The following GTSE1 variants were observed in gnomAD, a reference collection of about 807,000 sequenced individuals.
GTSE1 encodes G2 and S phase-expressed protein 1.
GTSE1 carries 52 observed loss-of-function variants against 60.5 expected under a neutral mutation model. That is an observed-to-expected ratio of 0.86 (90% CI 0.69 to 1.08). The LOEUF is 1.08. Ranked by LOEUF, GTSE1 falls within the 50% of genes least tolerant of loss-of-function variation. The pLI is 0.00. For synonymous variants in GTSE1, 368 were observed against 386.5 expected (o/e 0.95, Z 0.56); for missense variants, 937 against 961.8 (o/e 0.97, Z 0.34).
chr22:46,325,130 G>C (rs528247244), intron 8 of GTSE1, among the ~76,000 whole-genome samples: 1 of 152,172 alleles, frequency 6.6e-6, no homozygotes, highest in South Asian at 2.1e-4. Context: ...CCTGTTTCCC[G>C]ATTCACAGCT....
Position 46,297,480 on chromosome 22 carries a change from G to A in GTSE1, c.79+1G>A. 6.2e-7 allele frequency: 1 copy of A among 1,600,762 alleles called. No individual in the cohort carries two copies. On this transcript the variant is annotated splice_donor_variant, in intron 2 of 11. Coordinates refer to ENST00000454366, the MANE Select transcript of GTSE1 (RefSeq NM_016426.7). LOFTEE classifies it high-confidence loss of function. This position sits in a 1 kb window ranked among gnomAD's most constrained non-coding sequence, Gnocchi z 4.9. ...AACATGGATGACCCTAAGAAGGAAG[G>A]CAAGTCCTTGCTGCTGCGGCGCTGT...
intron 4 of GTSE1, among the ~76,000 whole-genome samples, chr22:46,311,828 T>A (rs985351274): frequency 2.0e-5 from 3 of 152,256 alleles, no homozygotes; most frequent in Non-Finnish European, 2.9e-5. Context: ...ACCAGCTTTC[T>A]CATTATCATT....
chr22:46,296,899 C>CG lies in GTSE1; in HGVS notation c.-52dup, dbSNP rs2077659310. On this transcript the variant is annotated 5_prime_UTR_variant, in exon 1 of 12. Transcript: ENST00000454366. ...CCCGGCGCCGCGTTTAAATCCGTGCCGGAGGCGCGTCCTGCATCGTCTGCC... is the reference window on the plus strand; with the variant it reads ...CCCGGCGCCGCGTTTAAATCCGTGCCGGGAGGCGCGTCCTGCATCGTCTGCC... The CG allele has an allele frequency of 6.4e-6, 1 of 156,448 alleles. No individual in the cohort carries two copies. Among genetic ancestry groups the CG allele is most frequent in the Non-Finnish European group, 1.4e-5 (1 of 70,614 alleles). The allele number at this position is 156,448 out of a possible 1,614,324, so 9.7% of individuals were successfully genotyped here.
At position 46,328,843 on chromosome 22, in the gene GTSE1, T is replaced by C; in HGVS notation, c.1880T>C (p.Val627Ala). 6.2e-7 allele frequency: 1 copy of C among 1,613,996 alleles called. No homozygotes were observed. The highest frequency in any genetic ancestry group is 8.5e-7 in the Non-Finnish European group (1 of 1,180,016). Residue 627 changes from valine to alanine, a missense_variant, in exon 10 of 12, where the codon GTA (valine) becomes GCA (alanine). By Grantham distance (64) the Val-to-Ala change is moderately conservative. Transcript: ENST00000454366. ...STFSKSTATE[V>A]AREEAKPGGD... ...TTCTCCAAAAGTACTGCCACAGAAG[T>C]AGCTCGGGAGGAAGCCAAGCCGGGT... is the stretch of plus-strand genomic sequence containing the variant.
At position 46,318,625 on chromosome 22, in the gene GTSE1, C is replaced by A. The variant is rs76958217; in HGVS notation, c.1432+2213C>A. ...GGTGACACGGGACTGAGATCTGAAC[C>A]AGGAGACTGAGGCAGCCGGTAGGAA... is the stretch of plus-strand genomic sequence containing the variant. On this transcript the variant is annotated intron_variant, in intron 7 of 11. Coordinates refer to ENST00000454366, the MANE Select transcript of GTSE1 (RefSeq NM_016426.7). The surrounding 1 kb of genome is among the most constrained non-coding windows in gnomAD (Gnocchi z 4.8). Among the ~76,000 whole-genome samples the A allele has an allele frequency of 0.023, 3,504 of 152,098 alleles. 139 individuals carry two copies. Among genetic ancestry groups the A allele is most frequent in the African/African-American group, 0.078 (3,240 of 41,452 alleles).
At position 46,308,184 on chromosome 22, in the gene GTSE1, C is replaced by G. The variant is rs149744214; in HGVS notation, c.114C>G (p.Phe38Leu). ...TTTTGGCCGATGAAAAATTTGACTT[C>G]GATCTTTCATTGTCTTCTTCGAGGT... ...ILLLADEKFD[F>L]DLSLSSSSAN... The change falls in exon 3 of 12, where the codon TTC becomes TTG. Residue 38 changes from phenylalanine to leucine, a missense_variant. By Grantham distance (22) the Phe-to-Leu change is conservative. Coordinates refer to ENST00000454366, the MANE Select transcript of GTSE1 (RefSeq NM_016426.7). The G allele has an allele frequency of 6.2e-7, 1 of 1,613,168 alleles. No homozygotes were observed. The highest frequency in any genetic ancestry group is 1.3e-5 in the African/African-American group (1 of 74,910).
At chr22:46,322,387 A>G (rs2077818465) in intron 7 of GTSE1, among the ~76,000 whole-genome samples, 1 of 152,188 alleles carries the variant, frequency 6.6e-6, no homozygotes, top group Non-Finnish European at 1.5e-5. Flanking sequence ...TCTGAGGGAC[A>G]GCCTCTTTTC....
intron 2 of GTSE1, among the ~76,000 whole-genome samples, chr22:46,307,666 C>T (rs1322009092): frequency 6.6e-6 from 1 of 152,112 alleles, no homozygotes; most frequent in African/African-American, 2.4e-5. Flanking sequence ...CCATGCCTAG[C>T]CAATTTTTGT....
chr22:46,297,413 G>T lies in GTSE1; in HGVS notation c.13G>T (p.Gly5Cys), dbSNP rs1569033592. 6.2e-7 allele frequency: 1 copy of T among 1,613,384 alleles called. No homozygotes were observed. Among genetic ancestry groups the T allele is most frequent in the Admixed American group, 1.7e-5 (1 of 60,006 alleles). Residue 5 changes from glycine (G) to cysteine (C), a missense_variant, in exon 2 of 12, where the codon GGC becomes TGC. Coordinates refer to ENST00000454366, the MANE Select transcript of GTSE1 (RefSeq NM_016426.7). The surrounding 1 kb of genome is among the most constrained non-coding windows in gnomAD (Gnocchi z 4.9). ...GACAGCTCTCTCCATGGAAGGAGGCGGCGGCCGCGATGAGCCTTCAGCCTG... is the reference window on the plus strand; with the variant it reads ...GACAGCTCTCTCCATGGAAGGAGGCTGCGGCCGCGATGAGCCTTCAGCCTG... The part of the protein sequence containing the change: MEGG[G>C]GRDEPSACRA...
rs771931325 is a variant in GTSE1, at chr22:46,329,349, T to G, written c.1927-9T>G. 1.3e-5 allele frequency: 21 copies of G among 1,609,662 alleles called. No homozygotes were observed. The East Asian group carries it at 3.1e-4, about 24-fold the overall frequency. ...TGGACTCTGCTCTTAACCTTGGTTT[T>G]GTACCCAGGCTCTTCTTGTAGATAT... On this transcript the variant is annotated splice_polypyrimidine_tract_variant and intron_variant, in intron 10 of 11. Coordinates refer to ENST00000454366, the MANE Select transcript of GTSE1 (RefSeq NM_016426.7). The surrounding 1 kb of genome is among the most constrained non-coding windows in gnomAD (Gnocchi z 6.4).
In GTSE1 at chr22:46,319,063, C is replaced by G. The variant is rs975140544; in HGVS notation, c.1432+2651C>G. 2.0e-5 allele frequency among the ~76,000 whole-genome samples: 3 copies of G among 152,182 alleles called. No homozygotes were observed. The East Asian group carries it at 5.8e-4, about 29-fold the overall frequency. ...ATGCTAGGACACGTTGTCTTTATTC[C>G]GCACACAGCTGAAATTTCTTACTGA... On this transcript the variant is annotated intron_variant, in intron 7 of 11. Transcript: ENST00000454366. The surrounding 1 kb of genome is among the most constrained non-coding windows in gnomAD (Gnocchi z 5.0).
Position 46,318,303 on chromosome 22 carries a change from C to G in GTSE1, c.1432+1891C>G, listed in dbSNP as rs960035604. On this transcript the variant is annotated intron_variant, in intron 7 of 11. Coordinates refer to ENST00000454366, the MANE Select transcript of GTSE1 (RefSeq NM_016426.7). This position sits in a 1 kb window ranked among gnomAD's most constrained non-coding sequence, Gnocchi z 4.8. ...GGATTTTAAGTTCTGGCAGTGCCGG[C>G]CAGCACAGGCAGCCTGCAACTCCCA... Among the ~76,000 whole-genome samples, 2 of 152,190 alleles carry G rather than the reference C, an allele frequency of 1.3e-5. No individual in the cohort carries two copies. The highest frequency in any genetic ancestry group is 2.4e-5 in the African/African-American group (1 of 41,440).
At chr22:46,328,565 G>T in intron 9 of GTSE1, 123 bp from the exon 10 acceptor site, 1 of 679,724 alleles carries the variant, frequency 1.5e-6, no homozygotes, top group Non-Finnish European at 2.6e-6. Context: ...GAGGGTGAAG[G>T]CCCTAGAGCC....
rs1251835564 is a variant in GTSE1, at chr22:46,313,018, C to T, written c.927+713C>T. Among the ~76,000 whole-genome samples the T allele has an allele frequency of 6.6e-6, 1 of 151,494 alleles. No individual in the cohort carries two copies. Among genetic ancestry groups the T allele is most frequent in the Non-Finnish European group, 1.5e-5 (1 of 67,870 alleles). ...ATCTCCATTAAAAAATAAAAATCAG[C>T]CAGGCATGGTGGTGCATGCCTGTGG... is the stretch of plus-strand genomic sequence containing the variant. On this transcript the variant is annotated intron_variant, in intron 5 of 11. Coordinates refer to ENST00000454366, the MANE Select transcript of GTSE1 (RefSeq NM_016426.7). This position sits in a 1 kb window ranked among gnomAD's most constrained non-coding sequence, Gnocchi z 4.4.
rs532058935 is a variant in GTSE1 at position 46,323,182 on chromosome 22, G to A, written c.1433-8G>A. ...TACCTGACCGCACACTTCCTTTCTTGGACTTAGGTGACTCCCCGGACAGCT... is the reference window on the plus strand; with the variant it reads ...TACCTGACCGCACACTTCCTTTCTTAGACTTAGGTGACTCCCCGGACAGCT... On this transcript the variant is annotated splice_region_variant and splice_polypyrimidine_tract_variant and intron_variant, in intron 7 of 11. Transcript: ENST00000454366. 7 of 1,607,718 alleles carry A rather than the reference G, an allele frequency of 4.4e-6. No homozygotes were observed. The East Asian group carries it at 1.6e-4, about 36-fold the overall frequency.
rs768082145 is a variant in GTSE1 at position 46,323,247 on chromosome 22, G to T, written c.1490G>T (p.Cys497Phe). 19 of 1,613,380 alleles carry T rather than the reference G, an allele frequency of 1.2e-5. No individual in the cohort carries two copies. The East Asian group carries it at 4.0e-4, about 34-fold the overall frequency. ...TCGCGGGCACAGCGGCCGCAGTCGT[G>T]CACGTCAGTTGGCAGGTGAGTGACG... ...KLSRAQRPQSCTSVGRVTVHS... is the reference protein window; with the variant it reads ...KLSRAQRPQSFTSVGRVTVHS... The change falls in exon 8 of 12, where the codon TGC becomes TTC. Residue 497 changes from cysteine to phenylalanine, a missense_variant. Physicochemically the swap from Cys to Phe is radical, Grantham distance 205 (BLOSUM62 -2). Transcript: ENST00000454366.
At position 46,313,905 on chromosome 22, in the gene GTSE1, AC is replaced by A. The variant is rs1569041660; in HGVS notation, c.946del (p.Leu316CysfsTer2). Reference sequence around the variant, plus strand: ...TTTGCCCCAGTTGGGGCTGAAGAAGACCCTGTTAAAAGCACCCGGCTCTACC... The same window carrying A: ...TTTGCCCCAGTTGGGGCTGAAGAAGACCTGTTAAAAGCACCCGGCTCTACC... ...PVPNKLGLKK[T>X]LLKAPGSTSN... is the part of the protein sequence containing the mutation. On this transcript the variant is annotated frameshift_variant, in exon 6 of 12. Coordinates refer to ENST00000454366, the MANE Select transcript of GTSE1 (RefSeq NM_016426.7). LOFTEE classifies it high-confidence loss of function. This position sits in a 1 kb window ranked among gnomAD's most constrained non-coding sequence, Gnocchi z 4.4. The A allele has an allele frequency of 6.2e-7, 1 of 1,614,138 alleles. No homozygotes were observed. The highest frequency in any genetic ancestry group is 8.5e-7 in the Non-Finnish European group (1 of 1,179,992).
At chr22:46,302,745 C>T (rs960178831) in intron 2 of GTSE1, among the ~76,000 whole-genome samples, 13 of 152,012 alleles carry the variant, frequency 8.6e-5, no homozygotes, top group African/African-American at 3.1e-4. Flanking sequence ...ATAGCTGATT[C>T]TTGTTTGTTT....
At chr22:46,312,480 A>T (rs1453116251) in intron 5 of GTSE1, among the ~76,000 whole-genome samples, 175 bp downstream of exon 5, 2 of 151,990 alleles carry the variant, frequency 1.3e-5, no homozygotes, top group Non-Finnish European at 2.9e-5. Context: ...CTCTACAAAA[A>T]ATACAAAAAT....
Sources: gnomAD v4.1 joint callset for allele counts (sites outside exome capture counted in the v4.1 genomes callset) on GRCh38, gnomAD v4.1.1 for gene constraint, Gnocchi (gnomAD v3.1) non-coding constraint, MANE v1.5 for transcripts, NCBI Gene and HGNC (gene_info 2026-07-23, HGNC 2026-07-21) for gene names.